The following NCALD variants were observed in gnomAD, a reference collection of about 807,000 sequenced individuals.
The protein encoded by NCALD is neurocalcin delta, also known as neurocalcin-delta.
In NCALD, 10 loss-of-function variants were observed where a neutral mutation model predicts 18.6. The ratio of observed to expected loss-of-function variants is 0.54; its 90% CI spans 0.33 to 0.91. NCALD has a LOEUF of 0.91. Ranked by LOEUF, NCALD falls within the 40% of genes least tolerant of loss-of-function variation. The pLI is 0.03. For synonymous variants in NCALD, 88 were observed against 87.4 expected (o/e 1.01, Z -0.04); for missense variants, 184 against 247.6 (o/e 0.74, Z 1.72).
chr8:101,901,009 C>G (rs969426315), intron 3 of NCALD, among the ~76,000 whole-genome samples: 16 of 151,732 alleles, frequency 1.1e-4, no homozygotes, highest in Non-Finnish European at 2.1e-4. Context: ...TTGCAGTTCA[C>G]TTTTTTGGGT....
chr8:101,836,441 T>C (rs1814417452), intron 4 of NCALD, among the ~76,000 whole-genome samples: 1 of 152,184 alleles, frequency 6.6e-6, no homozygotes. Context: ...TTATGAAATG[T>C]GGAAAATGAC....
chr8:102,007,063 G>A (rs1821739746), intron 2 of NCALD, among the ~76,000 whole-genome samples: 1 of 152,076 alleles, frequency 6.6e-6, no homozygotes, highest in South Asian at 2.1e-4. Flanking sequence ...GCAGATTCAA[G>A]GAAAGACTAA....
intron 1 of NCALD, among the ~76,000 whole-genome samples, chr8:102,108,803 G>A (rs1175111238): frequency 2.6e-5 from 4 of 152,116 alleles, no homozygotes; most frequent in Admixed American, 2.6e-4. Flanking sequence ...TCTACTTATA[G>A]TGATCAAAGT....
chr8:101,815,517 C>A (rs1240909424), intron 4 of NCALD, among the ~76,000 whole-genome samples: 3 of 152,068 alleles, frequency 2.0e-5, no homozygotes, highest in Non-Finnish European at 4.4e-5. Flanking sequence ...TCTCACCAAA[C>A]AAGATATGCA....
At chr8:102,107,447 C>G (rs923129763) in intron 1 of NCALD, among the ~76,000 whole-genome samples, 1 of 151,918 alleles carries the variant, frequency 6.6e-6, no homozygotes, top group Admixed American at 6.6e-5. Context: ...TTTCCCCCAC[C>G]CTTCTGGTAA....
chr8:101,935,170 T>C (rs1260542239), intron 2 of NCALD, among the ~76,000 whole-genome samples: 1 of 150,978 alleles, frequency 6.6e-6, no homozygotes, highest in Non-Finnish European at 1.5e-5. Context: ...AATGTGAAAA[T>C]TACAAGGCAA....
intron 1 of NCALD, among the ~76,000 whole-genome samples, chr8:102,060,234 G>A (rs937194567): frequency 1.3e-5 from 1 of 78,030 alleles, no homozygotes; most frequent in Non-Finnish European, 2.3e-5. Flanking sequence ...GCCCGCCTTG[G>A]CCTCCCAAAA....
At chr8:101,758,704 A>G (rs1241145496) in intron 1 of NCALD, among the ~76,000 whole-genome samples, 1 of 152,166 alleles carries the variant, frequency 6.6e-6, no homozygotes, top group Admixed American at 6.5e-5. Flanking sequence ...ATTACATTGC[A>G]AGAGAGTTCT....
At chr8:102,047,845 A>G (rs1048438716) in intron 1 of NCALD, among the ~76,000 whole-genome samples, 1 of 152,200 alleles carries the variant, frequency 6.6e-6, no homozygotes, top group African/African-American at 2.4e-5. Context: ...TGATTTAAAT[A>G]AAAGGGTTGA....
chr8:101,905,276 C>CCTCT lies in NCALD; in HGVS notation c.-107+10529_-107+10532dup, dbSNP rs58447809. 8.6e-3 allele frequency among the ~76,000 whole-genome samples: 1,256 copies of CCTCT among 145,530 alleles called. 10 individuals are homozygous for CCTCT. Among genetic ancestry groups the CCTCT allele is most frequent in the Middle Eastern group, 0.029 (8 of 278 alleles). On this transcript the variant is annotated intron_variant, in intron 3 of 6. Transcript: ENST00000311028. ...TTTCTAGCACCAATCTCTCTCCTCT[C>CCTCT]CTCTCTCTCTCTCTCTCTCTCTCTC...
intron 1 of NCALD, among the ~76,000 whole-genome samples, chr8:101,750,434 A>T (rs1810607218): frequency 6.6e-6 from 1 of 152,144 alleles, no homozygotes; most frequent in Admixed American, 6.5e-5. Flanking sequence ...AGGTACTTTG[A>T]TTTCCCAAGG....
At chr8:101,723,769 C>A (rs1311480040) in intron 1 of NCALD, among the ~76,000 whole-genome samples, 1 of 152,118 alleles carries the variant, frequency 6.6e-6, no homozygotes, top group African/African-American at 2.4e-5. Flanking sequence ...TTCATACTAT[C>A]TTATAAACAG....
At chr8:101,987,921 G>T (rs564089458) in intron 2 of NCALD, among the ~76,000 whole-genome samples, 1 of 152,138 alleles carries the variant, frequency 6.6e-6, no homozygotes, top group African/African-American at 2.4e-5. Flanking sequence ...TTCGGAGGCC[G>T]AGGCGGGCGG....
intron 2 of NCALD, among the ~76,000 whole-genome samples, chr8:102,005,944 G>A (rs1197601955): frequency 2.6e-5 from 4 of 151,804 alleles, no homozygotes; most frequent in African/African-American, 9.7e-5. Context: ...ACGAGTTAAT[G>A]GGTGCAGCAC....
chr8:101,789,410 T>C (rs1812366897), intron 1 of NCALD, among the ~76,000 whole-genome samples: 1 of 152,140 alleles, frequency 6.6e-6, no homozygotes, highest in Admixed American at 6.6e-5. Context: ...AACAGACATG[T>C]CAAATGCCAG....
chr8:101,988,149 C>T (rs1202682060), intron 2 of NCALD, among the ~76,000 whole-genome samples: 2 of 109,988 alleles, frequency 1.8e-5, no homozygotes, highest in Admixed American at 1.1e-4. Flanking sequence ...AGCGAGACTC[C>T]GTCTCAAAAA....
intron 4 of NCALD, among the ~76,000 whole-genome samples, chr8:101,879,500 C>T (rs1355497792): frequency 1.3e-5 from 2 of 151,856 alleles, no homozygotes; most frequent in East Asian, 3.9e-4. Flanking sequence ...AAAGACAGTA[C>T]AGACCCAAAG....
At chr8:101,791,896 C>T (rs2131024689), upstream of NCALD, among the ~76,000 whole-genome samples, 1 of 152,294 alleles carries the variant, frequency 6.6e-6, no homozygotes, top group African/African-American at 2.4e-5. Flanking sequence ...GGTTATCTCA[C>T]ATGTTTTCTA....
intron 1 of NCALD, among the ~76,000 whole-genome samples, chr8:102,020,628 C>T (rs987046382): frequency 1.3e-5 from 2 of 152,198 alleles, no homozygotes; most frequent in African/African-American, 4.8e-5. Flanking sequence ...ACCATGCTTG[C>T]TTCATCTGAC....
Sources: allele counts gnomAD v4.1 joint callset (sites outside exome capture counted in the v4.1 genomes callset), GRCh38; gene constraint gnomAD v4.1.1; transcripts MANE v1.5; gene names NCBI Gene and HGNC (gene_info 2026-07-23, HGNC 2026-07-21).